The following KCNJ6 variants were observed in gnomAD, a reference collection of about 807,000 sequenced individuals.
The protein encoded by KCNJ6 is potassium inwardly rectifying channel subfamily J member 6, also known as G protein-activated inward rectifier potassium channel 2.
In KCNJ6, 9 loss-of-function variants were observed where a neutral mutation model predicts 34.2. The ratio of observed to expected loss-of-function variants is 0.26; its 90% CI spans 0.16 to 0.46. KCNJ6 has a LOEUF of 0.46. Ranked by LOEUF, KCNJ6 falls within the 20% of genes least tolerant of loss-of-function variation. KCNJ6 has a pLI of 1.00. For synonymous variants in KCNJ6, 196 were observed against 207.1 expected, an observed-to-expected ratio of 0.95 and a Z score of 0.46; for missense variants, 236 against 531.3, an observed-to-expected ratio of 0.44 and a Z score of 5.46.
chr21:37,614,774 G>T lies in KCNJ6; in HGVS notation c.*10385C>A, dbSNP rs896428950. 3 of 150,428 alleles carry T rather than the reference G, an allele frequency of 2.0e-5. No individual in the cohort carries two copies. The highest frequency in any genetic ancestry group is 7.4e-5 in the African/African-American group (3 of 40,338). 9.3% of individuals were successfully genotyped at this position (150,428 alleles called of 1,614,324 possible). ...TATGTGTGTGTATGCATGTGTCTGT[G>T]TGTATGTGTGTGTGTATGCATGTGT... is the stretch of plus-strand genomic sequence containing the variant. On this transcript the variant is annotated 3_prime_UTR_variant, in exon 4 of 4. Coordinates refer to ENST00000609713, the MANE Select transcript of KCNJ6 (RefSeq NM_002240.5).
At chr21:37,671,188 G>T (rs904186465) in intron 3 of KCNJ6, among the ~76,000 whole-genome samples, 12 of 152,292 alleles carry the variant, frequency 7.9e-5, no homozygotes, top group African/African-American at 2.4e-4. Context: ...ATGATTAGAA[G>T]GTTGAGACTT....
At chr21:37,883,669 T>A (rs2055721261) in intron 1 of KCNJ6, among the ~76,000 whole-genome samples, 1 of 152,146 alleles carries the variant, frequency 6.6e-6, no homozygotes, top group Admixed American at 6.5e-5. Flanking sequence ...CAGGCACGGG[T>A]CTGAATCCTC....
chr21:37,665,039 G>A lies in KCNJ6; in HGVS notation c.947-39555C>T, dbSNP rs575147619. The stretch of plus-strand genomic sequence containing the variant: ...TCTCGATCTCCTGACCTTGGGATCC[G>A]CCTGCCTCAGCCTCCCAAAGTGCTG... On this transcript the variant is annotated intron_variant, in intron 3 of 3. Coordinates refer to ENST00000609713, the MANE Select transcript of KCNJ6 (RefSeq NM_002240.5). Among the ~76,000 whole-genome samples the A allele has an allele frequency of 1.2e-4, 18 of 151,948 alleles. No homozygotes were observed. The South Asian group carries it at 1.5e-3, about 12-fold the overall frequency.
At chr21:37,747,312 T>A (rs2054972428) in intron 2 of KCNJ6, among the ~76,000 whole-genome samples, 1 of 152,180 alleles carries the variant, frequency 6.6e-6, no homozygotes, top group African/African-American at 2.4e-5. Flanking sequence ...GGAGGTTCTT[T>A]AAAGGTCTTT....
At chr21:37,781,600 C>G (rs371637734) in intron 2 of KCNJ6, among the ~76,000 whole-genome samples, 24 of 152,282 alleles carry the variant, frequency 1.6e-4, no homozygotes, top group African/African-American at 4.8e-4. Flanking sequence ...TACCATGAGG[C>G]AGGCGCTGGT....
At chr21:37,726,604 G>A (rs999836268) in intron 2 of KCNJ6, among the ~76,000 whole-genome samples, 1 of 152,178 alleles carries the variant, frequency 6.6e-6, no homozygotes, top group Non-Finnish European at 1.5e-5. Context: ...GTGAATGTGT[G>A]TGTATGTGTG....
In KCNJ6 at chr21:37,615,614, A is replaced by G. The variant is rs1366421286; in HGVS notation, c.*9545T>C. 1 of 152,212 alleles carries G rather than the reference A, an allele frequency of 6.6e-6. No homozygotes were observed. The highest frequency in any genetic ancestry group is 6.5e-5 in the Admixed American group (1 of 15,274). 9.4% of individuals were successfully genotyped at this position (152,212 alleles called of 1,614,324 possible). On this transcript the variant is annotated 3_prime_UTR_variant, in exon 4 of 4. Coordinates refer to ENST00000609713, the MANE Select transcript of KCNJ6 (RefSeq NM_002240.5). ...AAGCCAGATGGAAAATGGCAAGTTC[A>G]AGAAGAAATAGTATTCTGGAACTTT...
chr21:37,607,482 A>ATATATATAT lies in KCNJ6; in HGVS notation c.*17676_*17677insATATATATA. 1.3e-3 allele frequency: 171 copies of ATATATATAT among 136,740 alleles called. No individual in the cohort carries two copies. Among genetic ancestry groups the ATATATATAT allele is most frequent in the Middle Eastern group, 3.9e-3 (1 of 258 alleles). The allele number at this position is 136,740 out of a possible 1,614,324, so 8.5% of individuals were successfully genotyped here. ...CTTAAAGATATATATATATATATAT[A>ATATATATAT]TTTTTTTTTTATTTTAAAAAAATTT... is the stretch of plus-strand genomic sequence containing the variant. On this transcript the variant is annotated 3_prime_UTR_variant, in exon 4 of 4. Transcript: ENST00000609713.
chr21:37,819,723 G>A (rs1369768117), intron 2 of KCNJ6, among the ~76,000 whole-genome samples: 1 of 151,906 alleles, frequency 6.6e-6, no homozygotes, highest in East Asian at 1.9e-4. Flanking sequence ...TTTCATTATA[G>A]ATTAACTCCT....
intron 3 of KCNJ6, among the ~76,000 whole-genome samples, chr21:37,627,465 C>T (rs1459908477): frequency 1.3e-5 from 2 of 152,094 alleles, no homozygotes; most frequent in South Asian, 2.1e-4. Flanking sequence ...CAGGTGATGG[C>T]AGTGATATGT....
intron 2 of KCNJ6, among the ~76,000 whole-genome samples, chr21:37,837,451 G>A: frequency 6.6e-6 from 1 of 152,294 alleles, no homozygotes; most frequent in South Asian, 2.1e-4. Context: ...GCACGTAGCG[G>A]AAAGAAATGC....
At chr21:37,810,487 T>C (rs2055317280) in intron 2 of KCNJ6, among the ~76,000 whole-genome samples, 1 of 152,198 alleles carries the variant, frequency 6.6e-6, no homozygotes, top group Non-Finnish European at 1.5e-5. Flanking sequence ...GATAATCTAC[T>C]TGTCAATGAA....
intron 1 of KCNJ6, among the ~76,000 whole-genome samples, chr21:37,909,374 T>TC (rs1474073459): frequency 3.3e-5 from 5 of 152,090 alleles, no homozygotes. Flanking sequence ...AAGAACTTTT[T>TC]TTTTTTTTTT....
intron 1 of KCNJ6, among the ~76,000 whole-genome samples, chr21:37,864,558 T>TG (rs2055612330): frequency 2.6e-5 from 4 of 152,150 alleles, no homozygotes; most frequent in Non-Finnish European, 5.9e-5. Flanking sequence ...TACCCAGACT[T>TG]GTAAGCTCTG....
chr21:37,800,785 T>C (rs563111192), intron 2 of KCNJ6, among the ~76,000 whole-genome samples: 1 of 152,348 alleles, frequency 6.6e-6, no homozygotes, highest in African/African-American at 2.4e-5. Flanking sequence ...TTGTCAGTGA[T>C]GTACCCCCCG....
At chr21:37,628,134 CA>C (rs1389147647) in intron 3 of KCNJ6, among the ~76,000 whole-genome samples, 5 of 152,020 alleles carry the variant, frequency 3.3e-5, no homozygotes, top group Non-Finnish European at 7.4e-5. Context: ...ATGACACATG[CA>C]AAGAAATAAG....
At chr21:37,832,502 C>T (rs2055431136) in intron 2 of KCNJ6, among the ~76,000 whole-genome samples, 1 of 152,150 alleles carries the variant, frequency 6.6e-6, no homozygotes, top group Admixed American at 6.5e-5. Context: ...GATGAATGGG[C>T]TCCCATCTAG....
intron 3 of KCNJ6, among the ~76,000 whole-genome samples, chr21:37,639,270 CAATA>C (rs1412614155): frequency 6.6e-6 from 1 of 152,232 alleles, no homozygotes; most frequent in Non-Finnish European, 1.5e-5. Flanking sequence ...TGTATGATCT[CAATA>C]AATAGCCTTT....
chr21:37,786,051 A>G (rs1357104612), intron 2 of KCNJ6, among the ~76,000 whole-genome samples: 3 of 152,222 alleles, frequency 2.0e-5, no homozygotes, highest in African/African-American at 4.8e-5. Flanking sequence ...ATATTTTGTT[A>G]TGGCAGCCTG....
Sources: allele counts gnomAD v4.1 joint callset (sites outside exome capture counted in the v4.1 genomes callset), GRCh38; gene constraint gnomAD v4.1.1; transcripts MANE v1.5; gene names NCBI Gene and HGNC (gene_info 2026-07-23, HGNC 2026-07-21).